Variants in IPO11 observed in about 807,000 individuals in gnomAD.
IPO11 encodes importin 11.
Under a neutral mutation model 143.2 loss-of-function variants are expected in IPO11, and 66 were observed. The observed-to-expected ratio is 0.46, with a 90% confidence interval of 0.38 to 0.57. The LOEUF (loss-of-function observed/expected upper bound fraction) is 0.57. Among genes scored for constraint, IPO11 ranks in the 20% least tolerant of loss-of-function variants. The pLI is 0.00. For missense variants in IPO11, 1,026 were observed against 1,141.0 expected, an observed-to-expected ratio of 0.90 and a Z score of 1.45; for synonymous variants, 385 against 377.8, an observed-to-expected ratio of 1.02 and a Z score of -0.22.
chr5:62,416,837 A>C (rs1580151099), intron 1 of IPO11, among the ~76,000 whole-genome samples: 1 of 149,560 alleles, frequency 6.7e-6, no homozygotes, highest in Non-Finnish European at 1.5e-5. Flanking sequence ...CGATCCCTCC[A>C]CCTCAGCCTC....
At chr5:62,490,707 G>A (rs1025645962) in intron 15 of IPO11, among the ~76,000 whole-genome samples, 2 of 152,118 alleles carry the variant, frequency 1.3e-5, no homozygotes, top group Non-Finnish European at 2.9e-5. Context: ...ATTACATTTA[G>A]TAATATGAAT....
chr5:62,553,574 C>T (rs1743467736), intron 26 of IPO11, among the ~76,000 whole-genome samples: 1 of 151,410 alleles, frequency 6.6e-6, no homozygotes, highest in Admixed American at 6.6e-5. Flanking sequence ...TCATATTGTT[C>T]TCCATAATGG....
chr5:62,457,218 G>T (rs1464563744), intron 5 of IPO11, among the ~76,000 whole-genome samples: 1 of 152,134 alleles, frequency 6.6e-6, no homozygotes, highest in Non-Finnish European at 1.5e-5. Context: ...GCTGGGCATG[G>T]TGACTCATGC....
intron 27 of IPO11, among the ~76,000 whole-genome samples, chr5:62,570,779 A>G (rs1165873359): frequency 6.6e-6 from 1 of 152,258 alleles, no homozygotes; most frequent in Non-Finnish European, 1.5e-5. Flanking sequence ...TGTAACAGTC[A>G]TATTATAGAC....
At chr5:62,506,386 A>G (rs368533202) in intron 19 of IPO11, 29 bp downstream of exon 19, 1 of 1,028,668 alleles carries the variant, frequency 9.7e-7, no homozygotes, top group African/African-American at 1.6e-5. Flanking sequence ...ATGAAAATAA[A>G]TGAGGGGTGG....
At chr5:62,499,865 C>G (rs1048381273) in intron 16 of IPO11, among the ~76,000 whole-genome samples, 1 of 152,152 alleles carries the variant, frequency 6.6e-6, no homozygotes, top group Non-Finnish European at 1.5e-5. Flanking sequence ...GACACAAACA[C>G]ATTAGCCTAG....
chr5:62,519,935 G>C (rs1200056672), intron 20 of IPO11, among the ~76,000 whole-genome samples: 1 of 152,190 alleles, frequency 6.6e-6, no homozygotes, highest in Non-Finnish European at 1.5e-5. Flanking sequence ...GTCCCCTCTT[G>C]TTCCCAAGTC....
chr5:62,543,290 A>C (rs1186998105), intron 24 of IPO11, among the ~76,000 whole-genome samples: 1 of 152,202 alleles, frequency 6.6e-6, no homozygotes, highest in Non-Finnish European at 1.5e-5. Context: ...CTCTGGTAGA[A>C]TTCGGCTGTG....
Position 62,474,592 on chromosome 5 carries a change from C to T in IPO11, c.757+128C>T. 2.9e-6 allele frequency: 2 copies of T among 679,642 alleles called. 1 individual carries two copies. Among genetic ancestry groups the T allele is most frequent in the South Asian group, 4.0e-5 (2 of 50,342 alleles). 42.1% of individuals were successfully genotyped at this position (679,642 alleles called of 1,614,324 possible). A position where few individuals can be genotyped will look rare whatever the true frequency, so the allele number is the denominator to read the frequency against. On this transcript the variant is annotated intron_variant, in intron 8 of 29. Coordinates refer to ENST00000325324, the MANE Select transcript of IPO11 (RefSeq NM_016338.5). Reference sequence around the variant, plus strand: ...ATTCATTAATAGCTTCTGTTGCACACTTATAAATCTAGAGAAAGTGTCTTG... The same window carrying T: ...ATTCATTAATAGCTTCTGTTGCACATTTATAAATCTAGAGAAAGTGTCTTG...
intron 19 of IPO11, among the ~76,000 whole-genome samples, chr5:62,514,609 A>AC (rs1741934365): frequency 8.7e-6 from 1 of 114,858 alleles, no homozygotes; most frequent in Non-Finnish European, 1.8e-5. Context: ...GAGACGGGAG[A>AC]GGGAGAGGGA....
chr5:62,568,906 T>C (rs1744045942), intron 27 of IPO11, among the ~76,000 whole-genome samples: 1 of 152,176 alleles, frequency 6.6e-6, no homozygotes, highest in South Asian at 2.1e-4. Flanking sequence ...CTTCAGGAAT[T>C]CAAAAGGGAC....
intron 6 of IPO11, among the ~76,000 whole-genome samples, chr5:62,467,820 T>A (rs1745623480): frequency 6.6e-6 from 1 of 152,218 alleles, no homozygotes; most frequent in Non-Finnish European, 1.5e-5. Flanking sequence ...GCTGTTTATC[T>A]TGATGAATGT....
chr5:62,514,633 AGGGAG>A, intron 19 of IPO11, among the ~76,000 whole-genome samples: 1 of 147,778 alleles, frequency 6.8e-6, no homozygotes, highest in Non-Finnish European at 1.5e-5. Flanking sequence ...GGAGAGGGAG[AGGGAG>A]ACGGGAGGAC....
At chr5:62,562,774 A>G (rs997703396) in intron 27 of IPO11, among the ~76,000 whole-genome samples, 7 of 152,194 alleles carry the variant, frequency 4.6e-5, no homozygotes, top group Non-Finnish European at 7.3e-5. Flanking sequence ...ATTTACTTCT[A>G]CTATGGTAAT....
intron 1 of IPO11, among the ~76,000 whole-genome samples, chr5:62,426,297 G>C (rs565009647): frequency 6.6e-6 from 1 of 152,310 alleles, no homozygotes; most frequent in South Asian, 2.1e-4. Context: ...TGAGGCAGGA[G>C]ATTTGCTTGA....
At chr5:62,544,221 C>T (rs563923764) in intron 24 of IPO11, among the ~76,000 whole-genome samples, 1 of 151,964 alleles carries the variant, frequency 6.6e-6, no homozygotes, top group African/African-American at 2.4e-5. Flanking sequence ...ACCGTCAAAC[C>T]GAATCCAGCA....
chr5:62,556,510 G>A (rs1427137468), intron 26 of IPO11, among the ~76,000 whole-genome samples: 1 of 152,078 alleles, frequency 6.6e-6, no homozygotes. Context: ...AAGTCTAGGT[G>A]AGAGGATTGT....
intron 27 of IPO11, among the ~76,000 whole-genome samples, chr5:62,584,346 C>T (rs77363817): frequency 0.02 from 2,974 of 152,038 alleles, 95 homozygotes; most frequent in African/African-American, 0.066. Flanking sequence ...CCAGTGATCC[C>T]AGCACTTTTG....
intron 26 of IPO11, among the ~76,000 whole-genome samples, chr5:62,559,736 G>A (rs1232520897): frequency 6.6e-5 from 10 of 151,772 alleles, no homozygotes; most frequent in Non-Finnish European, 1.5e-4. Context: ...GGCCAATATG[G>A]TGAAACCCTG....
Sources: gnomAD v4.1 joint callset for allele counts (sites outside exome capture counted in the v4.1 genomes callset) on GRCh38, gnomAD v4.1.1 for gene constraint, MANE v1.5 for transcripts, NCBI Gene and HGNC (gene_info 2026-07-23, HGNC 2026-07-21) for gene names.